Variants in SHISA9 observed in about 807,000 individuals in gnomAD.
SHISA9 encodes the protein shisa family member 9, also known as protein shisa-9.
A neutral mutation model predicts 38.0 loss-of-function variants in SHISA9; 13 were observed. The observed-to-expected ratio is 0.34, with a 90% CI of 0.22 to 0.54. The LOEUF (loss-of-function observed/expected upper bound fraction) is 0.54, where lower values mean the gene tolerates loss of function less well. Among genes scored for constraint, SHISA9 ranks in the 20% least tolerant of loss-of-function variants. SHISA9 has a pLI of 0.91. For missense variants in SHISA9, 538 were observed against 575.8 expected, an observed-to-expected ratio of 0.93 and a Z score of 0.67; for synonymous variants, 275 against 242.0, an observed-to-expected ratio of 1.14 and a Z score of -1.27.
At chr16:13,137,498 C>T (rs1449042570) in intron 2 of SHISA9, among the ~76,000 whole-genome samples, 3 of 151,774 alleles carry the variant, frequency 2.0e-5, no homozygotes, top group Non-Finnish European at 2.9e-5. Context: ...AATCTGTTAC[C>T]AGGCTGGAGT....
chr16:13,530,631 A>G, the SHISA9 span, among the ~76,000 whole-genome samples: 2 of 151,810 alleles, frequency 1.3e-5, no homozygotes, highest in Non-Finnish European at 2.9e-5. Context: ...TGACTGTGAC[A>G]ACACCACCTA....
chr16:13,367,013 G>A, the SHISA9 span, among the ~76,000 whole-genome samples: 1 of 149,280 alleles, frequency 6.7e-6, no homozygotes, highest in Admixed American at 6.7e-5. Flanking sequence ...AAGAAGAATC[G>A]AGGTTGTAAA....
the SHISA9 span, among the ~76,000 whole-genome samples, chr16:13,473,999 T>C: frequency 6.6e-6 from 1 of 152,190 alleles, no homozygotes; most frequent in Non-Finnish European, 1.5e-5. Context: ...TGCTGTGCAA[T>C]GTGCAGTATA....
chr16:13,014,017 C>G (rs575893972), intron 2 of SHISA9, among the ~76,000 whole-genome samples: 2 of 152,264 alleles, frequency 1.3e-5, no homozygotes, highest in East Asian at 3.9e-4. Context: ...GCGTGAACCA[C>G]CGGGCCTGGC....
At chr16:13,254,816 C>T in the SHISA9 span, among the ~76,000 whole-genome samples, 51 of 152,156 alleles carry the variant, frequency 3.4e-4, no homozygotes, top group Admixed American at 2.8e-3. Flanking sequence ...CAGTCCCTTC[C>T]GGGCTTGTTA....
chr16:13,277,631 G>C, the SHISA9 span, among the ~76,000 whole-genome samples: 37,994 of 151,334 alleles, frequency 0.25, 5,040 homozygotes, highest in Non-Finnish European at 0.3. Context: ...AGAGGTTTTC[G>C]GACTCCTTGT....
chr16:13,065,280 C>T (rs2073421506), intron 2 of SHISA9, among the ~76,000 whole-genome samples: 1 of 152,236 alleles, frequency 6.6e-6, no homozygotes, highest in African/African-American at 2.4e-5. Context: ...CCCACTCCCT[C>T]ATCCCTGTCC....
rs189337777 is a variant in SHISA9 at position 13,173,771 on chromosome 16, C to T, written c.692-29623C>T. Among the ~76,000 whole-genome samples, 3 of 152,214 alleles carry T rather than the reference C, an allele frequency of 2.0e-5. No homozygotes were observed. In the East Asian group the frequency reaches 5.8e-4, roughly 29 times the overall value. On this transcript the variant is annotated intron_variant, in intron 2 of 4. Transcript: ENST00000558583. ...TCTAATGGAGAAGACAAATGAAAAACCCGGCAATTACAACAGAGTCAGGTC... is the reference window on the plus strand; with the variant it reads ...TCTAATGGAGAAGACAAATGAAAAATCCGGCAATTACAACAGAGTCAGGTC...
intron 2 of SHISA9, among the ~76,000 whole-genome samples, chr16:13,164,045 A>G (rs914437212): frequency 1.3e-5 from 2 of 152,074 alleles, no homozygotes; most frequent in African/African-American, 4.8e-5. Context: ...GCAGATGTTC[A>G]TTCTTGCTTT....
chr16:13,429,902 A>G, the SHISA9 span, among the ~76,000 whole-genome samples: 1,807 of 152,316 alleles, frequency 0.012, 42 homozygotes, highest in African/African-American at 0.042. Flanking sequence ...TATATGTTGA[A>G]GTTCTAACCC....
chr16:13,210,789 C>T (rs922647820), intron 3 of SHISA9, among the ~76,000 whole-genome samples: 2 of 152,164 alleles, frequency 1.3e-5, no homozygotes, highest in African/African-American at 2.4e-5. Context: ...CCCCATAATC[C>T]GTACTTTTAG....
At chr16:12,991,514 G>T (rs988541088) in intron 2 of SHISA9, among the ~76,000 whole-genome samples, 1 of 152,158 alleles carries the variant, frequency 6.6e-6, no homozygotes, top group African/African-American at 2.4e-5. Flanking sequence ...CCTGAAGTTT[G>T]GAGTGTGAAT....
intron 2 of SHISA9, among the ~76,000 whole-genome samples, chr16:13,179,268 C>G (rs2050757668): frequency 6.6e-6 from 1 of 152,170 alleles, no homozygotes; most frequent in Non-Finnish European, 1.5e-5. Context: ...GCTGAGATCA[C>G]ACCACTGCAC....
chr16:13,251,580 A>G, the SHISA9 span, among the ~76,000 whole-genome samples: 1 of 151,836 alleles, frequency 6.6e-6, no homozygotes. Flanking sequence ...ATTCTAAGTG[A>G]TTTCTTCCAG....
At chr16:13,375,931 A>G in the SHISA9 span, among the ~76,000 whole-genome samples, 2 of 152,160 alleles carry the variant, frequency 1.3e-5, no homozygotes, top group Non-Finnish European at 1.5e-5. Context: ...TAAAATTTAT[A>G]TGGGGTTTCA....
At chr16:13,073,223 T>TCTC (rs34245654) in intron 2 of SHISA9, among the ~76,000 whole-genome samples, 2 of 127,734 alleles carry the variant, frequency 1.6e-5, no homozygotes, top group South Asian at 2.4e-4. Context: ...TCTCTCTCTC[T>TCTC]TTTTTTTTTT....
chr16:12,952,653 G>A (rs532023152), intron 2 of SHISA9, among the ~76,000 whole-genome samples: 4 of 152,156 alleles, frequency 2.6e-5, no homozygotes, highest in East Asian at 3.9e-4. Context: ...GAGTTCTCAC[G>A]GGATCTGATG....
intron 3 of SHISA9, among the ~76,000 whole-genome samples, chr16:13,207,008 C>A (rs2051071400): frequency 6.6e-6 from 1 of 152,208 alleles, no homozygotes. Context: ...ATAACATATG[C>A]CATTTTATTT....
chr16:13,106,688 C>T (rs961117974), intron 2 of SHISA9, among the ~76,000 whole-genome samples: 7 of 152,028 alleles, frequency 4.6e-5, no homozygotes, highest in Non-Finnish European at 1.0e-4. Flanking sequence ...CAAAGGTGGA[C>T]ATGTGACCTG....
Sources: gnomAD v4.1 joint callset for allele counts (sites outside exome capture counted in the v4.1 genomes callset) on GRCh38, gnomAD v4.1.1 for gene constraint, MANE v1.5 for transcripts, NCBI Gene and HGNC (gene_info 2026-07-23, HGNC 2026-07-21) for gene names.